ZCWPW1: variants seen among roughly 807,000 people sequenced by gnomAD.
ZCWPW1 encodes zinc finger CW-type PWWP domain protein 1.
A neutral mutation model predicts 81.3 loss-of-function variants in ZCWPW1; 56 were observed. That is an observed-to-expected ratio of 0.69 (90% confidence interval 0.56 to 0.86). The LOEUF (loss-of-function observed/expected upper bound fraction) is 0.86. Ranked by LOEUF, ZCWPW1 falls within the 40% of genes least tolerant of loss-of-function variation. ZCWPW1 has a pLI of 0.00. For missense variants in ZCWPW1, 650 were observed against 769.8 expected, an observed-to-expected ratio of 0.84 and a Z score of 1.84; for synonymous variants, 250 against 273.7, an observed-to-expected ratio of 0.91 and a Z score of 0.86.
intron 8 of ZCWPW1, among the ~76,000 whole-genome samples, chr7:100,415,023 C>G (rs957646151): frequency 6.9e-6 from 1 of 145,194 alleles, no homozygotes; most frequent in African/African-American, 2.5e-5. Flanking sequence ...GACTCTATCT[C>G]AAAACGAAAC....
intron 15 of ZCWPW1, 34 bp from the exon 16 acceptor site, chr7:100,402,610 A>G: frequency 6.2e-7 from 1 of 1,601,904 alleles, no homozygotes; most frequent in Non-Finnish European, 8.6e-7. Context: ...AAAAAATGAT[A>G]AATCAAGGCC....
chr7:100,403,769 A>G lies in ZCWPW1; in HGVS notation c.1338T>C (p.Gly446=). The stretch of plus-strand genomic sequence containing the variant: ...CTAAGCAGGATCCTGGGCTGTTCAA[A>G]CCAGAGAGCTGTAAGTCTAGAACAG... The part of the protein sequence containing the change: ...NGERKDLQLS[G]LNSPGSCLEK... The change falls in exon 15 of 18, where the codon GGT becomes GGC. Residue 446 remains glycine, a synonymous_variant. Coordinates refer to ENST00000684423, the MANE Select transcript of ZCWPW1 (RefSeq NM_001386010.1). 6.2e-7 allele frequency: 1 copy of G among 1,614,034 alleles called. No individual in the cohort carries two copies. The highest frequency in any genetic ancestry group is 8.5e-7 in the Non-Finnish European group (1 of 1,179,958).
intron 9 of ZCWPW1, among the ~76,000 whole-genome samples, chr7:100,409,100 C>A (rs1381505836): frequency 3.9e-5 from 6 of 152,154 alleles, no homozygotes; most frequent in Non-Finnish European, 1.5e-5. Flanking sequence ...AGATCTCTCT[C>A]GTCTGTTTTC....
rs565400729 is a variant in ZCWPW1 at position 100,416,004 on chromosome 7, T to C, written c.725A>G (p.Asp242Gly). The stretch of plus-strand genomic sequence containing the variant: ...ACCACTTATCTCTCCTTTTTGCTGG[T>C]CCCTGATCTGAGAATGATCCTGAAC... ...KTVQDHSQIR[D>G]QQKGEISGFG... The change falls in exon 8 of 18, where the codon GAC (aspartate) becomes GGC (glycine). Residue 242 changes from aspartate (D) to glycine (G), a missense_variant. Coordinates refer to ENST00000684423, the MANE Select transcript of ZCWPW1 (RefSeq NM_001386010.1). 1 of 1,614,192 alleles carries C rather than the reference T, an allele frequency of 6.2e-7. No homozygotes were observed. Among genetic ancestry groups the C allele is most frequent in the African/African-American group, 1.3e-5 (1 of 75,058 alleles).
At chr7:100,423,118 T>G (rs1796636284) in intron 2 of ZCWPW1, among the ~76,000 whole-genome samples, 2 of 152,152 alleles carry the variant, frequency 1.3e-5, no homozygotes, top group African/African-American at 2.4e-5. Flanking sequence ...CAACTCCCCT[T>G]TCTACAGATA....
chr7:100,422,374 A>G (rs1263450944), intron 2 of ZCWPW1, among the ~76,000 whole-genome samples: 1 of 152,220 alleles, frequency 6.6e-6, no homozygotes, highest in Non-Finnish European at 1.5e-5. Context: ...CTCTGGGGGT[A>G]AAAGGACCAG....
At chr7:100,402,478 A>G (rs1196261042) in intron 16 of ZCWPW1, 38 bp downstream of exon 16, 3 of 1,610,568 alleles carry the variant, frequency 1.9e-6, no homozygotes, top group East Asian at 4.5e-5. Flanking sequence ...CCCTGCCTTA[A>G]CTGTGGGTTG....
intron 6 of ZCWPW1, 55 bp downstream of exon 6, chr7:100,417,011 A>C (rs1795386919): frequency 2.4e-6 from 3 of 1,268,818 alleles, no homozygotes; most frequent in African/African-American, 2.9e-5. Context: ...AGACTGACTG[A>C]CCATGAATGT....
intron 8 of ZCWPW1, among the ~76,000 whole-genome samples, chr7:100,410,807 T>C (rs927646806): frequency 1.3e-5 from 2 of 152,188 alleles, no homozygotes; most frequent in Non-Finnish European, 2.9e-5. Context: ...CAACTTTCAT[T>C]TTATCTAGCT....
chr7:100,427,220 TCC>T (rs1797755524), intron 1 of ZCWPW1, among the ~76,000 whole-genome samples: 1 of 39,380 alleles, frequency 2.5e-5, no homozygotes, highest in Non-Finnish European at 4.6e-5. Flanking sequence ...CCTTCCTTCC[TCC>T]CCCTTCCCTC....
At chr7:100,404,974 G>A in intron 13 of ZCWPW1, 39 bp downstream of exon 13, 2 of 1,580,784 alleles carry the variant, frequency 1.3e-6, no homozygotes, top group Middle Eastern at 1.7e-4. Flanking sequence ...TTGTCCAAGA[G>A]TAGGGAAAGG....
chr7:100,413,316 C>T (rs1216331644), intron 8 of ZCWPW1, among the ~76,000 whole-genome samples: 1 of 152,228 alleles, frequency 6.6e-6, no homozygotes, highest in Non-Finnish European at 1.5e-5. Flanking sequence ...AACTTGCCTC[C>T]CCTTGCTCTC....
intron 13 of ZCWPW1, 116 bp downstream of exon 13, chr7:100,404,897 G>A (rs1792663079): frequency 1.0e-6 from 1 of 979,910 alleles, no homozygotes; most frequent in African/African-American, 1.6e-5. Context: ...GAAACCTGAA[G>A]TGAAATATAG....
At position 100,401,213 on chromosome 7, in the gene ZCWPW1, G is replaced by A; in HGVS notation, c.1751C>T (p.Ser584Leu). ...GTGTCTGGGCTCTTCTTTCGCAGATGAGGGGCAGGCCCCCTTACACGCTGA... is the reference window on the plus strand; with the variant it reads ...GTGTCTGGGCTCTTCTTTCGCAGATAAGGGGCAGGCCCCCTTACACGCTGA... ...GLSACKGACP[S>L]SAKEEPRHRE... The change falls in exon 18 of 18, where the codon TCA (serine) becomes TTA (leucine). Residue 584 changes from serine (S) to leucine (L), a missense_variant. Ser to Leu is a moderately radical substitution (Grantham distance 145, BLOSUM62 -2). Coordinates refer to ENST00000684423, the MANE Select transcript of ZCWPW1 (RefSeq NM_001386010.1). 6.2e-7 allele frequency: 1 copy of A among 1,614,234 alleles called. No individual in the cohort carries two copies. The highest frequency in any genetic ancestry group is 8.5e-7 in the Non-Finnish European group (1 of 1,180,036).
intron 15 of ZCWPW1, 42 bp from the exon 16 acceptor site, chr7:100,402,618 G>T (rs981745494): frequency 2.5e-6 from 4 of 1,587,768 alleles, no homozygotes; most frequent in South Asian, 1.1e-5. Flanking sequence ...ATAAATCAAG[G>T]CCCCTAACTG....
rs747597289 is a variant in ZCWPW1 at position 100,419,889 on chromosome 7, A to G, written c.29-6T>C. ...CTTTGGTCCCTTTCCACATTCTGAAAGAAATGTGATCAAGTGGAATTTATG... is the reference window on the plus strand; with the variant it reads ...CTTTGGTCCCTTTCCACATTCTGAAGGAAATGTGATCAAGTGGAATTTATG... On this transcript the variant is annotated splice_polypyrimidine_tract_variant and splice_region_variant and intron_variant, in intron 3 of 17. Coordinates refer to ENST00000684423, the MANE Select transcript of ZCWPW1 (RefSeq NM_001386010.1). 3.8e-6 allele frequency: 6 copies of G among 1,558,932 alleles called. No individual in the cohort carries two copies.
chr7:100,416,170 A>C, intron 7 of ZCWPW1, 73 bp from the exon 8 acceptor site: 1 of 1,599,586 alleles, frequency 6.3e-7, no homozygotes, highest in Non-Finnish European at 8.5e-7. Flanking sequence ...AGGTCAGTGA[A>C]AGAAGGAAGA....
chr7:100,421,817 C>T (rs544751933), intron 2 of ZCWPW1, among the ~76,000 whole-genome samples: 1 of 152,170 alleles, frequency 6.6e-6, no homozygotes, highest in East Asian at 1.9e-4. Flanking sequence ...CTCAGCCTCC[C>T]GAGTAGCTGG....
chr7:100,415,450 C>T (rs922024571), intron 8 of ZCWPW1, among the ~76,000 whole-genome samples: 2 of 152,138 alleles, frequency 1.3e-5, no homozygotes, highest in Admixed American at 6.6e-5. Context: ...AAAGTGTCTA[C>T]TCTTCAACCA....
Sources: allele counts gnomAD v4.1 joint callset (sites outside exome capture counted in the v4.1 genomes callset), GRCh38; gene constraint gnomAD v4.1.1; transcripts MANE v1.5; gene names NCBI Gene and HGNC (gene_info 2026-07-23, HGNC 2026-07-21).